ZNF730: variants seen among roughly 807,000 people sequenced by gnomAD.
ZNF730 encodes putative zinc finger protein 730.
In ZNF730, 12 loss-of-function variants were observed where a neutral mutation model predicts 12.6. That is an observed-to-expected ratio of 0.95 (90% confidence interval 0.61 to 1.54). The LOEUF (loss-of-function observed/expected upper bound fraction) is 1.54, where lower values mean the gene tolerates loss of function less well. Ranked by LOEUF, ZNF730 falls within the 40% of genes most tolerant of loss-of-function variation. The pLI, the probability that ZNF730 is intolerant of heterozygous loss-of-function variation, is 0.00. For missense variants in ZNF730, 643 were observed against 583.5 expected, an observed-to-expected ratio of 1.10 and a Z score of -1.05; for synonymous variants, 194 against 195.8, an observed-to-expected ratio of 0.99 and a Z score of 0.08.
At chr19:23,138,556 G>GT (rs1467379280) in intron 3 of ZNF730, among the ~76,000 whole-genome samples, 2 of 152,208 alleles carry the variant, frequency 1.3e-5, no homozygotes, top group Non-Finnish European at 2.9e-5. Flanking sequence ...TGGTTTCAGA[G>GT]TAAGTTCAAA....
intron 1 of ZNF730, chr19:23,127,599 C>G (rs1970686293): frequency 2.1e-6 from 2 of 972,120 alleles, no homozygotes; most frequent in Admixed American, 1.7e-5. Flanking sequence ...TGCTGAACAA[C>G]AGAAAACTCA....
At chr19:23,102,550 C>T (rs1970347456) in intron 1 of ZNF730, among the ~76,000 whole-genome samples, 1 of 151,232 alleles carries the variant, frequency 6.6e-6, no homozygotes, top group South Asian at 2.1e-4. Context: ...GGCTGGAGTG[C>T]AGTGGTGTGA....
intron 1 of ZNF730, among the ~76,000 whole-genome samples, chr19:23,076,606 G>C (rs891203748): frequency 6.6e-6 from 1 of 152,164 alleles, no homozygotes; most frequent in African/African-American, 2.4e-5. Flanking sequence ...TGAGGAATGG[G>C]AGTATAGCCT....
At chr19:23,135,328 C>A (rs534553856) in intron 2 of ZNF730, among the ~76,000 whole-genome samples, 5 of 144,700 alleles carry the variant, frequency 3.5e-5, no homozygotes, top group Non-Finnish European at 7.5e-5. Flanking sequence ...TTTCCACTTT[C>A]CTGAGCTGAT....
At chr19:23,093,146 T>C (rs1269652994) in intron 1 of ZNF730, among the ~76,000 whole-genome samples, 1 of 152,092 alleles carries the variant, frequency 6.6e-6, no homozygotes, top group Non-Finnish European at 1.5e-5. Context: ...CCAGCTAATT[T>C]TGTATTTTTA....
At chr19:23,098,172 A>G (rs954786180) in intron 1 of ZNF730, among the ~76,000 whole-genome samples, 31 of 151,932 alleles carry the variant, frequency 2.0e-4, no homozygotes, top group Admixed American at 1.9e-3. Flanking sequence ...AGGTATTGCA[A>G]TGTATCACTG....
At chr19:23,121,815 C>G (rs965084487) in intron 1 of ZNF730, among the ~76,000 whole-genome samples, 2 of 152,160 alleles carry the variant, frequency 1.3e-5, no homozygotes, top group African/African-American at 4.8e-5. Context: ...TGTCCAGAGA[C>G]TTGGCTGTTG....
At chr19:23,111,874 A>T (rs1054342417) in intron 1 of ZNF730, among the ~76,000 whole-genome samples, 1 of 65,914 alleles carries the variant, frequency 1.5e-5, no homozygotes, top group African/African-American at 5.7e-5. Flanking sequence ...TTGGCCATTT[A>T]AAAATAGTCA....
intron 1 of ZNF730, among the ~76,000 whole-genome samples, chr19:23,106,553 A>T (rs1280546085): frequency 2.0e-5 from 3 of 152,124 alleles, no homozygotes; most frequent in Admixed American, 6.6e-5. Context: ...GCATTTTGGG[A>T]GGCCGAGGCA....
Position 23,146,858 on chromosome 19 carries a change from A to G in ZNF730, c.*302A>G. On this transcript the variant is annotated 3_prime_UTR_variant, in exon 4 of 4. Transcript: ENST00000597761. ...TTAACAAATCCTTAATTCTTAACAG[A>G]CATGATTCATACCAGAGAGAAACTC... The G allele has an allele frequency of 2.8e-6, 2 of 725,896 alleles. No individual in the cohort carries two copies. The highest frequency in any genetic ancestry group is 4.8e-6 in the Non-Finnish European group (2 of 415,038). The allele number at this position is 725,896 out of a possible 1,614,324, so 45.0% of individuals were successfully genotyped here.
intron 1 of ZNF730, among the ~76,000 whole-genome samples, chr19:23,102,522 G>T (rs1321424060): frequency 6.6e-6 from 1 of 150,764 alleles, no homozygotes; most frequent in East Asian, 1.9e-4. Flanking sequence ...TTTGGAGATG[G>T]AGTTGCTCTG....
chr19:23,093,216 T>G (rs1396193304), intron 1 of ZNF730, among the ~76,000 whole-genome samples: 1 of 152,218 alleles, frequency 6.6e-6, no homozygotes, highest in Non-Finnish European at 1.5e-5. Context: ...TCTCAGGTGA[T>G]CCACTCGCCT....
intron 1 of ZNF730, among the ~76,000 whole-genome samples, chr19:23,121,936 G>A (rs1004188704): frequency 3.3e-5 from 5 of 152,062 alleles, no homozygotes; most frequent in Non-Finnish European, 5.9e-5. Flanking sequence ...CACGTAGATA[G>A]TTTTCTCTGC....
chr19:23,142,095 T>C (rs543031255), intron 3 of ZNF730, among the ~76,000 whole-genome samples: 3 of 152,268 alleles, frequency 2.0e-5, no homozygotes, highest in Admixed American at 2.0e-4. Flanking sequence ...CACGTGTATA[T>C]ACAAATGTTT....
chr19:23,135,807 G>C (rs1970822600), intron 2 of ZNF730, 141 bp from the exon 3 acceptor site: 1 of 737,886 alleles, frequency 1.4e-6, no homozygotes, highest in African/African-American at 1.9e-5. Context: ...CACCGTGCCT[G>C]GTCTATTTAG....
rs1342984336 is a variant in ZNF730, at chr19:23,136,001, C to A, written c.184C>A (p.Pro62Thr). 3.1e-6 allele frequency: 5 copies of A among 1,608,548 alleles called. No individual in the cohort carries two copies. The highest frequency in any genetic ancestry group is 1.7e-4 in the Middle Eastern group (1 of 6,038). Residue 62 changes from proline (P) to threonine (T), a missense_variant, in exon 3 of 4, where the codon CCT becomes ACT. Pro to Thr is a conservative substitution (Grantham distance 38). Transcript: ENST00000597761. ...LITCLEQEKEPWNLKTHDMVA... is the reference protein window; with the variant it reads ...LITCLEQEKETWNLKTHDMVA... ...CACCTGTCTGGAGCAAGAAAAAGAG[C>A]CTTGGAATTTGAAGACACATGATAT...
intron 1 of ZNF730, among the ~76,000 whole-genome samples, chr19:23,086,224 A>G (rs1275799138): frequency 6.6e-6 from 1 of 152,148 alleles, no homozygotes; most frequent in Admixed American, 6.5e-5. Flanking sequence ...TGACGGATGC[A>G]TAGTTTGCAA....
At chr19:23,128,747 A>AT (rs1342898786) in intron 1 of ZNF730, among the ~76,000 whole-genome samples, 2 of 152,200 alleles carry the variant, frequency 1.3e-5, no homozygotes, top group Non-Finnish European at 2.9e-5. Context: ...AGAAAACCTC[A>AT]TTTTTTGAGG....
In ZNF730 at chr19:23,108,668, A is replaced by G. The variant is rs566345459; in HGVS notation, c.-93-25412A>G. 2.0e-4 allele frequency among the ~76,000 whole-genome samples: 30 copies of G among 152,354 alleles called. No homozygotes were observed. The South Asian group carries it at 3.5e-3, about 18-fold the overall frequency. On this transcript the variant is annotated intron_variant, in intron 1 of 2. Transcript: ENST00000593635. Reference sequence around the variant, plus strand: ...AAATCATAAATAGCCTACACATACCAAGAAACTATTTTAATCCTTTGACAT... The same window carrying G: ...AAATCATAAATAGCCTACACATACCGAGAAACTATTTTAATCCTTTGACAT...
Sources: allele counts gnomAD v4.1 joint callset (sites outside exome capture counted in the v4.1 genomes callset), GRCh38; gene constraint gnomAD v4.1.1; transcripts MANE v1.5; gene names NCBI Gene and HGNC (gene_info 2026-07-23, HGNC 2026-07-21).